Variants in VAV3 observed in about 807,000 individuals in gnomAD.
VAV3 encodes guanine nucleotide exchange factor VAV3.
In VAV3, 94 loss-of-function variants were observed where a neutral mutation model predicts 131.2. The ratio of observed to expected loss-of-function variants is 0.72; its 90% CI spans 0.61 to 0.85. VAV3 has a LOEUF of 0.85. VAV3 is among the 40% of genes least tolerant of loss of function. The pLI is 0.00. For synonymous variants in VAV3, 349 were observed against 342.0 expected (o/e 1.02, Z -0.22); for missense variants, 939 against 1,002.7 (o/e 0.94, Z 0.86).
At chr1:107,924,587 A>T (rs907880844) in intron 1 of VAV3, among the ~76,000 whole-genome samples, 3 of 152,226 alleles carry the variant, frequency 2.0e-5, no homozygotes, top group African/African-American at 7.2e-5. Context: ...ATTTCTGATC[A>T]TGCAAATACA....
chr1:107,754,104 T>C (rs1163619756), intron 12 of VAV3, among the ~76,000 whole-genome samples: 2 of 152,142 alleles, frequency 1.3e-5, no homozygotes, highest in African/African-American at 4.8e-5. Flanking sequence ...ATATCCACAA[T>C]GTAAAGTTTA....
chr1:107,722,705 G>T (rs1437597964), intron 15 of VAV3, among the ~76,000 whole-genome samples: 3 of 152,192 alleles, frequency 2.0e-5, no homozygotes, highest in East Asian at 3.9e-4. Context: ...ATGAGGTGAG[G>T]TTCTATGATG....
At chr1:107,950,085 G>A (rs997934110) in intron 1 of VAV3, among the ~76,000 whole-genome samples, 4 of 151,440 alleles carry the variant, frequency 2.6e-5, no homozygotes, top group African/African-American at 7.3e-5. Context: ...CTGGTTCATC[G>A]ATAACGCTCT....
At chr1:107,957,488 G>T (rs532819252) in intron 1 of VAV3, among the ~76,000 whole-genome samples, 2 of 152,142 alleles carry the variant, frequency 1.3e-5, no homozygotes, top group Non-Finnish European at 1.5e-5. Context: ...GCAGACTGAG[G>T]CTGTCAGTAT....
rs1208349622 is a variant in VAV3, at chr1:107,737,840, C to T, written c.1502+11128G>A. ...GAACTAGAAATACCATTTGACCCAG[C>T]AATCCCATTACTGGGTATATACCCA... On this transcript the variant is annotated intron_variant, in intron 15 of 26. Coordinates refer to ENST00000370056, the MANE Select transcript of VAV3 (RefSeq NM_006113.5). Among the ~76,000 whole-genome samples, 9 of 152,192 alleles carry T rather than the reference C, an allele frequency of 5.9e-5. No homozygotes were observed. The East Asian group carries it at 1.7e-3, about 29-fold the overall frequency.
chr1:107,959,870 C>T (rs1571196548), intron 1 of VAV3, among the ~76,000 whole-genome samples: 1 of 152,258 alleles, frequency 6.6e-6, no homozygotes, highest in Non-Finnish European at 1.5e-5. Context: ...ACCCCAACAC[C>T]ATACTTCCTC....
intron 1 of VAV3, among the ~76,000 whole-genome samples, chr1:107,907,786 T>C (rs1416476663): frequency 1.3e-5 from 2 of 152,150 alleles, no homozygotes; most frequent in African/African-American, 4.8e-5. Context: ...ATGCAGCCCT[T>C]TGATCTTGGG....
intron 8 of VAV3, 92 bp from the exon 9 acceptor site, chr1:107,765,267 A>G (rs1664677056): frequency 1.0e-6 from 1 of 965,326 alleles, no homozygotes; most frequent in Non-Finnish European, 1.6e-6. Context: ...CTTTAAAACC[A>G]TTGTTAGGGA....
chr1:107,644,866 A>G (rs1269630315), intron 19 of VAV3, among the ~76,000 whole-genome samples: 3 of 151,776 alleles, frequency 2.0e-5, no homozygotes, highest in Admixed American at 1.3e-4. Context: ...CCACATGCCC[A>G]TAACATGTAA....
At chr1:107,764,961 A>T (rs1406900396) in intron 9 of VAV3, 115 bp downstream of exon 9, 2 of 651,860 alleles carry the variant, frequency 3.1e-6, no homozygotes, top group Non-Finnish European at 5.2e-6. Flanking sequence ...TATAAAATTG[A>T]CATGAAATTA....
At chr1:107,748,687 G>A (rs1178021936) in intron 15 of VAV3, among the ~76,000 whole-genome samples, 2 of 152,134 alleles carry the variant, frequency 1.3e-5, no homozygotes, top group Non-Finnish European at 2.9e-5. Flanking sequence ...TTGGGCTGCT[G>A]AGAGCTAAAG....
At chr1:107,602,851 C>A (rs755732834) in intron 23 of VAV3, among the ~76,000 whole-genome samples, 196 bp downstream of exon 23, 2 of 152,004 alleles carry the variant, frequency 1.3e-5, no homozygotes, top group Non-Finnish European at 2.9e-5. Flanking sequence ...ATCTAATATG[C>A]CAATTAGCAA....
intron 19 of VAV3, among the ~76,000 whole-genome samples, chr1:107,679,138 G>A (rs914274444): frequency 6.6e-5 from 10 of 152,100 alleles, no homozygotes; most frequent in African/African-American, 2.2e-4. Context: ...TAACAAATGA[G>A]AATGGCGTTA....
At chr1:107,730,976 T>A (rs1662204924) in intron 15 of VAV3, among the ~76,000 whole-genome samples, 2 of 152,192 alleles carry the variant, frequency 1.3e-5, no homozygotes, top group Admixed American at 6.5e-5. Context: ...TCTCATTTTT[T>A]AAAAGGAATA....
chr1:107,683,637 A>C, intron 18 of VAV3, 104 bp from the exon 19 acceptor site: 1 of 1,155,162 alleles, frequency 8.7e-7, no homozygotes, highest in Admixed American at 1.9e-5. Flanking sequence ...AATGTTGCAC[A>C]TTTTCCAAGT....
intron 19 of VAV3, among the ~76,000 whole-genome samples, chr1:107,653,003 A>T (rs1656291699): frequency 1.3e-5 from 2 of 151,734 alleles, no homozygotes; most frequent in Admixed American, 1.3e-4. Context: ...TATACACTCA[A>T]TTATTTGCTT....
At chr1:107,609,901 C>T (rs1652588968) in intron 22 of VAV3, 30 bp downstream of exon 22, 2 of 1,608,522 alleles carry the variant, frequency 1.2e-6, no homozygotes, top group African/African-American at 1.3e-5. Flanking sequence ...GGTATTTCAA[C>T]CTAGCTACAT....
intron 2 of VAV3, among the ~76,000 whole-genome samples, chr1:107,783,699 C>G (rs1480741718): frequency 6.6e-6 from 1 of 152,070 alleles, no homozygotes; most frequent in East Asian, 1.9e-4. Flanking sequence ...GGACCCCGGA[C>G]ATAACTCCAC....
At chr1:107,844,116 T>C (rs1421833087) in intron 2 of VAV3, among the ~76,000 whole-genome samples, 3 of 151,790 alleles carry the variant, frequency 2.0e-5, no homozygotes, top group Non-Finnish European at 4.4e-5. Context: ...CTAACTGAGG[T>C]ACCCAGCTCA....
Sources: allele counts gnomAD v4.1 joint callset (sites outside exome capture counted in the v4.1 genomes callset), GRCh38; gene constraint gnomAD v4.1.1; transcripts MANE v1.5; gene names NCBI Gene and HGNC (gene_info 2026-07-23, HGNC 2026-07-21).